Variants in MMP26 observed in about 807,000 individuals in gnomAD.
MMP26 encodes matrix metalloproteinase-26.
MMP26 carries 33 observed loss-of-function variants against 31.0 expected under a neutral mutation model. That is an observed-to-expected ratio of 1.06 (90% CI 0.81 to 1.42). The LOEUF (loss-of-function observed/expected upper bound fraction) is 1.42, where lower values mean the gene tolerates loss of function less well. Among genes scored for constraint, MMP26 ranks in the 40% most tolerant of loss-of-function variants. MMP26 has a pLI of 0.00. For synonymous variants in MMP26, 122 were observed against 114.9 expected, an observed-to-expected ratio of 1.06 and a Z score of -0.40; for missense variants, 347 against 316.1, an observed-to-expected ratio of 1.10 and a Z score of -0.74.
chr11:4,708,038 T>A (rs1406662320), intron 1 of MMP26, among the ~76,000 whole-genome samples: 5 of 152,218 alleles, frequency 3.3e-5, no homozygotes, highest in Non-Finnish European at 7.3e-5. Context: ...TATTTTTCAC[T>A]GATCCTGTGA....
At chr11:4,810,568 G>T (rs755370809) in intron 2 of MMP26, among the ~76,000 whole-genome samples, 1 of 152,212 alleles carries the variant, frequency 6.6e-6, no homozygotes, top group Non-Finnish European at 1.5e-5. Context: ...GTGTGTACAT[G>T]AGTATGTATA....
At chr11:4,888,814 A>G (rs965013200) in intron 2 of MMP26, among the ~76,000 whole-genome samples, 1 of 152,144 alleles carries the variant, frequency 6.6e-6, no homozygotes, top group African/African-American at 2.4e-5. Context: ...GACTTCTTTC[A>G]CTTAAATGGG....
rs1017600246 is a variant in MMP26 at position 4,883,015 on chromosome 11, C to T, written c.-144-105053C>T. ...GGAGTGGGAAGAAGACAGTAATTTT[C>T]CCCTGAGCTTATCAAAGAGTTTTAT... On this transcript the variant is annotated intron_variant, in intron 2 of 7. Coordinates refer to ENST00000380390, the MANE Select transcript of MMP26 (RefSeq NM_021801.5). 1.2e-5 allele frequency: 8 copies of T among 664,338 alleles called. No individual in the cohort carries two copies. The Admixed American group carries it at 2.4e-4, about 20-fold the overall frequency. 41.2% of individuals were successfully genotyped at this position (664,338 alleles called of 1,614,324 possible).
intron 2 of MMP26, among the ~76,000 whole-genome samples, chr11:4,932,135 C>T (rs939925231): frequency 1.3e-5 from 2 of 152,130 alleles, no homozygotes; most frequent in Admixed American, 1.3e-4. Flanking sequence ...TCCATCAGTG[C>T]TCAGCAACAG....
At chr11:4,914,805 G>A (rs1203461371) in intron 2 of MMP26, 1 of 1,614,004 alleles carries the variant, frequency 6.2e-7, no homozygotes, top group Admixed American at 1.7e-5. Flanking sequence ...GGAGGAAAGA[G>A]AAGATACATG....
intron 1 of MMP26, among the ~76,000 whole-genome samples, chr11:4,744,937 T>C (rs529758885): frequency 1.3e-5 from 2 of 152,292 alleles, no homozygotes; most frequent in African/African-American, 4.8e-5. Context: ...ATATGCAGTC[T>C]CTTATCAAAG....
chr11:4,854,927 C>T (rs1433706102), intron 2 of MMP26, among the ~76,000 whole-genome samples: 4 of 152,188 alleles, frequency 2.6e-5, no homozygotes, highest in Non-Finnish European at 5.9e-5. Context: ...TCTGCAGCCT[C>T]CGCTGGTGAT....
chr11:4,959,009 C>A (rs1421857794), intron 2 of MMP26, among the ~76,000 whole-genome samples: 2 of 152,130 alleles, frequency 1.3e-5, no homozygotes, highest in African/African-American at 4.8e-5. Flanking sequence ...GAGGCCGAGG[C>A]GGGCAGATCA....
intron 2 of MMP26, among the ~76,000 whole-genome samples, chr11:4,782,307 G>C (rs1032387401): frequency 1.3e-5 from 2 of 152,194 alleles, no homozygotes; most frequent in Admixed American, 6.5e-5. Flanking sequence ...TGAGGAACTT[G>C]TTGGGAATTG....
chr11:4,777,470 C>A (rs957672173), intron 2 of MMP26, among the ~76,000 whole-genome samples: 9 of 152,050 alleles, frequency 5.9e-5, no homozygotes, highest in Admixed American at 5.9e-4. Flanking sequence ...GTAAGTAATT[C>A]TTTTATTGAA....
chr11:4,969,982 G>T (rs1846644028), intron 2 of MMP26, among the ~76,000 whole-genome samples: 1 of 151,962 alleles, frequency 6.6e-6, no homozygotes. Context: ...GCTCCTTTAA[G>T]GTATTTTATA....
chr11:4,986,932 C>CTCTCTCCCTCTCTCT lies in MMP26; in HGVS notation c.-144-1136_-144-1135insTCTCTCCCTCTCTCT, dbSNP rs1564819722. 2.4e-3 allele frequency among the ~76,000 whole-genome samples: 142 copies of CTCTCTCCCTCTCTCT among 60,402 alleles called. 11 individuals are homozygous for CTCTCTCCCTCTCTCT. The highest frequency in any genetic ancestry group is 0.019 in the East Asian group (40 of 2,146). The allele number at this position is 60,402 out of a possible 152,430, so 39.6% of individuals were successfully genotyped here. The stretch of plus-strand genomic sequence containing the variant: ...CTCTCTCTCTCTCTCTCTCTCTCTC[C>CTCTCTCCCTCTCTCT]CTCTCTCTCTCTCTCTCTCTCTCTC... On this transcript the variant is annotated intron_variant, in intron 2 of 7. Transcript: ENST00000380390.
intron 2 of MMP26, among the ~76,000 whole-genome samples, chr11:4,935,352 T>C (rs12283153): frequency 0.17 from 25,098 of 151,654 alleles, 2,363 homozygotes; most frequent in South Asian, 0.37. Flanking sequence ...CGAATGGGAG[T>C]TCACTCATGA....
chr11:4,826,786 A>C (rs943591621), intron 2 of MMP26, among the ~76,000 whole-genome samples: 2 of 152,152 alleles, frequency 1.3e-5, no homozygotes, highest in Non-Finnish European at 2.9e-5. Context: ...GAGAAATGGC[A>C]TATCAATAAT....
intron 2 of MMP26, among the ~76,000 whole-genome samples, chr11:4,827,140 C>T (rs1358819166): frequency 6.6e-6 from 1 of 152,124 alleles, no homozygotes; most frequent in Non-Finnish European, 1.5e-5. Flanking sequence ...AGTCTGATTG[C>T]TGTAACAGTG....
intron 2 of MMP26, among the ~76,000 whole-genome samples, chr11:4,898,588 A>G (rs1850748105): frequency 6.6e-6 from 1 of 152,266 alleles, no homozygotes; most frequent in South Asian, 2.1e-4. Context: ...TCCACGTTCT[A>G]ATGAGGAATG....
intron 2 of MMP26, among the ~76,000 whole-genome samples, chr11:4,901,008 T>G (rs1252548270): frequency 3.9e-5 from 6 of 152,144 alleles, no homozygotes; most frequent in African/African-American, 1.4e-4. Flanking sequence ...TTTACTCATT[T>G]ATGAACTAAC....
intron 1 of MMP26, among the ~76,000 whole-genome samples, chr11:4,746,959 T>C: frequency 6.6e-6 from 1 of 152,040 alleles, no homozygotes; most frequent in East Asian, 1.9e-4. Flanking sequence ...TGTTGTAAAA[T>C]GTGACACATT....
chr11:4,922,857 G>T (rs1316783864), intron 2 of MMP26, among the ~76,000 whole-genome samples: 1 of 152,066 alleles, frequency 6.6e-6, no homozygotes, highest in African/African-American at 2.4e-5. Context: ...CATATGTTTA[G>T]TAAAGACTAT....
Sources: gnomAD v4.1 joint callset for allele counts (sites outside exome capture counted in the v4.1 genomes callset) on GRCh38, gnomAD v4.1.1 for gene constraint, MANE v1.5 for transcripts, NCBI Gene and HGNC (gene_info 2026-07-23, HGNC 2026-07-21) for gene names.